SNX30: variants seen among roughly 807,000 people sequenced by gnomAD.
SNX30 encodes sorting nexin-30.
In SNX30, 24 loss-of-function variants were observed where a neutral mutation model predicts 46.4. The ratio of observed to expected loss-of-function variants is 0.52; its 90% CI spans 0.37 to 0.73. The LOEUF is 0.73. Ranked by LOEUF, SNX30 falls within the 30% of genes least tolerant of loss-of-function variation. The pLI, the probability that SNX30 is intolerant of heterozygous loss-of-function variation, is 0.00. For synonymous variants in SNX30, 189 were observed against 211.5 expected (o/e 0.89, Z 0.92); for missense variants, 533 against 555.7 (o/e 0.96, Z 0.41).
chr9:112,752,130 CT>C (rs1421899219), intron 1 of SNX30, among the ~76,000 whole-genome samples: 1 of 152,172 alleles, frequency 6.6e-6, no homozygotes, highest in Non-Finnish European at 1.5e-5. Context: ...ACCTAACTTT[CT>C]TCTCCCGTTA....
At chr9:112,865,561 G>C (rs1158864406) in intron 8 of SNX30, among the ~76,000 whole-genome samples, 1 of 148,966 alleles carries the variant, frequency 6.7e-6, no homozygotes, top group Non-Finnish European at 1.5e-5. Context: ...AGGCTACAGT[G>C]AGTCATGATT....
At position 112,830,877 on chromosome 9, in the gene SNX30, T is replaced by C. The variant is rs748068161; in HGVS notation, c.612T>C (p.Thr204=). 1.2e-6 allele frequency: 2 copies of C among 1,608,626 alleles called. No homozygotes were observed. The highest frequency in any genetic ancestry group is 2.2e-5 in the South Asian group (2 of 89,808). The change falls in exon 4 of 9, where the codon ACT becomes ACC. Residue 204 remains threonine (T), a synonymous_variant. Transcript: ENST00000374232. ...SFNEHFNIFL[T]AKDLNAYKKQ... Reference sequence around the variant, plus strand: ...ATGAACACTTTAATATTTTCCTTACTGCTAAGGTAAGGGCAGAAATTTACA... The same window carrying C: ...ATGAACACTTTAATATTTTCCTTACCGCTAAGGTAAGGGCAGAAATTTACA...
At position 112,850,946 on chromosome 9, in the gene SNX30, G is replaced by T. The variant is rs778616510; in HGVS notation, c.1101+1G>T. On this transcript the variant is annotated splice_donor_variant, in intron 7 of 8. Coordinates refer to ENST00000374232, the MANE Select transcript of SNX30 (RefSeq NM_001012994.2). LOFTEE classifies it high-confidence loss of function. ...TCTGCGGAAGGAAGACCGCCCCAAGGTCAGGGAAGCCACCTGGGAAGGGCT... is the reference window on the plus strand; with the variant it reads ...TCTGCGGAAGGAAGACCGCCCCAAGTTCAGGGAAGCCACCTGGGAAGGGCT... 1 of 1,613,732 alleles carries T rather than the reference G, an allele frequency of 6.2e-7. No homozygotes were observed. The highest frequency in any genetic ancestry group is 2.2e-5 in the East Asian group (1 of 44,868).
At chr9:112,833,050 A>T (rs1318464683) in intron 4 of SNX30, among the ~76,000 whole-genome samples, 1 of 151,950 alleles carries the variant, frequency 6.6e-6, no homozygotes, top group East Asian at 1.9e-4. Flanking sequence ...AAATTGTGAT[A>T]AAATACACCT....
At chr9:112,850,723 T>C in intron 6 of SNX30, 136 bp from the exon 7 acceptor site, 1 of 520,044 alleles carries the variant, frequency 1.9e-6, no homozygotes, top group Non-Finnish European at 3.5e-6. Context: ...ATGGCCAGAC[T>C]GTCCTAGGAG....
At chr9:112,751,459 G>C (rs993903906) in intron 1 of SNX30, among the ~76,000 whole-genome samples, 2 of 152,226 alleles carry the variant, frequency 1.3e-5, no homozygotes, top group Non-Finnish European at 2.9e-5. Context: ...GGGCGCCTGT[G>C]TCCTCGGATG....
At chr9:112,786,304 A>G (rs148320060) in intron 1 of SNX30, among the ~76,000 whole-genome samples, 217 of 151,764 alleles carry the variant, frequency 1.4e-3, no homozygotes, top group African/African-American at 5.1e-3. Flanking sequence ...TTTTTTTTGT[A>G]GAGACAGGGT....
chr9:112,836,701 G>A (rs1264760976), intron 5 of SNX30, among the ~76,000 whole-genome samples: 1 of 152,182 alleles, frequency 6.6e-6, no homozygotes, highest in Non-Finnish European at 1.5e-5. Flanking sequence ...CTTTAAAAGT[G>A]GAGACATAGA....
chr9:112,814,372 C>T (rs576692141), intron 2 of SNX30, among the ~76,000 whole-genome samples: 2 of 152,158 alleles, frequency 1.3e-5, no homozygotes, highest in South Asian at 2.1e-4. Flanking sequence ...TCCTGAGTAG[C>T]AGGGACTACA....
intron 3 of SNX30, among the ~76,000 whole-genome samples, chr9:112,826,832 T>C (rs1373960438): frequency 6.6e-6 from 1 of 152,134 alleles, no homozygotes; most frequent in Non-Finnish European, 1.5e-5. Context: ...AAAGGAATTA[T>C]CCTAAAGGAC....
Position 112,760,898 on chromosome 9 carries a change from G to A in SNX30, c.156+9741G>A, listed in dbSNP as rs147844102. ...CAGAGGTTGTGTTTTCACCAGGTCCGTGAAGTTGGAGGGGGCTTTCAGATG... is the reference window on the plus strand; with the variant it reads ...CAGAGGTTGTGTTTTCACCAGGTCCATGAAGTTGGAGGGGGCTTTCAGATG... On this transcript the variant is annotated intron_variant, in intron 1 of 8. Transcript: ENST00000374232. Among the ~76,000 whole-genome samples the A allele has an allele frequency of 8.4e-4, 128 of 152,258 alleles. No homozygotes were observed. In the East Asian group the frequency reaches 0.021, roughly 25 times the overall value.
chr9:112,767,377 ATT>A (rs1839560412), intron 1 of SNX30, among the ~76,000 whole-genome samples: 1 of 152,094 alleles, frequency 6.6e-6, no homozygotes. Flanking sequence ...ATTTTCTCCC[ATT>A]CTGTAAGTGC....
intron 2 of SNX30, among the ~76,000 whole-genome samples, chr9:112,810,269 T>C (rs1840300078): frequency 6.6e-6 from 1 of 152,060 alleles, no homozygotes; most frequent in South Asian, 2.1e-4. Flanking sequence ...TGCCTGGCAA[T>C]GTTGGAGGGT....
chr9:112,873,639 T>C lies in SNX30; in HGVS notation c.*4796T>C, dbSNP rs1588146494. 1 of 4,558 alleles carries C rather than the reference T, an allele frequency of 2.2e-4. No individual in the cohort carries two copies. Among genetic ancestry groups the C allele is most frequent in the Non-Finnish European group, 1.3e-3 (1 of 750 alleles). 0.3% of individuals were successfully genotyped at this position (4,558 alleles called of 1,614,324 possible). A position where few individuals can be genotyped will look rare whatever the true frequency, so the allele number is the denominator to read the frequency against. On this transcript the variant is annotated 3_prime_UTR_variant, in exon 9 of 9. Coordinates refer to ENST00000374232, the MANE Select transcript of SNX30 (RefSeq NM_001012994.2). ...AGGAAACACAGGGACCACAAAACCT[T>C]TTTTTTTTTTTTAAGTGTGAAAGAT... is the stretch of plus-strand genomic sequence containing the variant.
chr9:112,807,523 A>G (rs1418736801), intron 2 of SNX30, among the ~76,000 whole-genome samples: 1 of 152,190 alleles, frequency 6.6e-6, no homozygotes, highest in Non-Finnish European at 1.5e-5. Flanking sequence ...ACCTAGATTA[A>G]TATACATATT....
chr9:112,810,391 G>A (rs1041310689), intron 2 of SNX30, among the ~76,000 whole-genome samples: 1 of 152,162 alleles, frequency 6.6e-6, no homozygotes, highest in Non-Finnish European at 1.5e-5. Flanking sequence ...TTACGAGTTG[G>A]GTGAATGGGC....
At position 112,868,799 on chromosome 9, in the gene SNX30, G is replaced by A. The variant is rs1302679757; in HGVS notation, c.1270G>A (p.Glu424Lys). The A allele has an allele frequency of 6.2e-7, 1 of 1,614,066 alleles. No individual in the cohort carries two copies. The highest frequency in any genetic ancestry group is 1.1e-5 in the South Asian group (1 of 91,082). Residue 424 changes from glutamate to lysine, a missense_variant, in exon 9 of 9, where the codon GAG becomes AAG. Transcript: ENST00000374232. The part of the protein sequence containing the change: ...QYYEKCLMAW[E>K]SIIPLLQEKQ... The stretch of plus-strand genomic sequence containing the variant: ...GTCGTTCCAGTGCCTCATGGCGTGG[G>A]AGTCGATTATTCCACTACTGCAGGA...
chr9:112,841,203 A>G (rs542525932), intron 6 of SNX30, among the ~76,000 whole-genome samples: 13 of 152,262 alleles, frequency 8.5e-5, no homozygotes, highest in African/African-American at 2.9e-4. Flanking sequence ...CTGGGATACT[A>G]TAGTACAAAT....
At chr9:112,812,097 A>G (rs1030480962) in intron 2 of SNX30, among the ~76,000 whole-genome samples, 6 of 152,146 alleles carry the variant, frequency 3.9e-5, no homozygotes, top group African/African-American at 9.6e-5. Flanking sequence ...TCCTGGCTCT[A>G]CTTTTTCCCT....
Sources: allele counts gnomAD v4.1 joint callset (sites outside exome capture counted in the v4.1 genomes callset), GRCh38; gene constraint gnomAD v4.1.1; transcripts MANE v1.5; gene names NCBI Gene and HGNC (gene_info 2026-07-23, HGNC 2026-07-21).